Variants in GMDS observed in about 807,000 individuals in gnomAD.
GMDS encodes the protein GDP-mannose 4,6-dehydratase.
Under a neutral mutation model 49.9 loss-of-function variants are expected in GMDS, and 20 were observed. That is an observed-to-expected ratio of 0.40 (90% CI 0.28 to 0.58). GMDS has a LOEUF of 0.58. Among genes scored for constraint, GMDS ranks in the 20% least tolerant of loss-of-function variants. The pLI is 0.42. For missense variants in GMDS, 362 were observed against 481.4 expected (o/e 0.75, Z 2.32); for synonymous variants, 177 against 178.6 (o/e 0.99, Z 0.07).
intron 7 of GMDS, 88 bp from the exon 8 acceptor site, chr6:1,742,674 C>G (rs3734740): frequency 0.46 from 322,318 of 703,718 alleles, 76,692 homozygotes; most frequent in East Asian, 0.65. Context: ...ATATGGACAT[C>G]GACAGCTGGA....
At chr6:1,639,615 C>T (rs1034251505) in intron 9 of GMDS, among the ~76,000 whole-genome samples, 8 of 152,242 alleles carry the variant, frequency 5.3e-5, no homozygotes, top group Non-Finnish European at 1.0e-4. Context: ...AGGCCGGGCA[C>T]GGTGGCTCAT....
chr6:1,650,496 AC>A (rs780935361), intron 9 of GMDS, among the ~76,000 whole-genome samples: 7 of 152,170 alleles, frequency 4.6e-5, no homozygotes, highest in Non-Finnish European at 8.8e-5. Context: ...GCCTTCTCCT[AC>A]CAATTCTTCG....
intron 7 of GMDS, among the ~76,000 whole-genome samples, chr6:1,886,352 A>C (rs1759605666): frequency 6.6e-6 from 1 of 152,240 alleles, no homozygotes; most frequent in African/African-American, 2.4e-5. Flanking sequence ...TTCTGTGATA[A>C]ATCAAAAAAT....
intron 1 of GMDS, among the ~76,000 whole-genome samples, chr6:2,138,015 G>A (rs1199503937): frequency 6.6e-6 from 1 of 152,190 alleles, no homozygotes; most frequent in Non-Finnish European, 1.5e-5. Flanking sequence ...CGGTCTAAGA[G>A]AGCTGGGTCA....
chr6:2,150,532 T>C (rs1410515048), intron 1 of GMDS, among the ~76,000 whole-genome samples: 2 of 152,216 alleles, frequency 1.3e-5, no homozygotes, highest in Non-Finnish European at 2.9e-5. Context: ...CTTTACCATT[T>C]ATAACAATGT....
chr6:2,244,274 T>C (rs983632921), intron 1 of GMDS, among the ~76,000 whole-genome samples: 1 of 152,126 alleles, frequency 6.6e-6, no homozygotes, highest in Admixed American at 6.6e-5. Flanking sequence ...CATGCCTCAG[T>C]TTCCACATAT....
chr6:1,979,890 T>C (rs1008348808), intron 4 of GMDS, among the ~76,000 whole-genome samples: 2 of 152,194 alleles, frequency 1.3e-5, no homozygotes, highest in African/African-American at 4.8e-5. Context: ...GTGGCCAATA[T>C]TCAACATTCT....
chr6:1,990,008 A>G (rs1238358984), intron 4 of GMDS, among the ~76,000 whole-genome samples: 3 of 152,272 alleles, frequency 2.0e-5, no homozygotes, highest in African/African-American at 7.2e-5. Context: ...AAGAAATGTT[A>G]GCCATAGGCT....
intron 1 of GMDS, among the ~76,000 whole-genome samples, chr6:2,151,386 G>C (rs1421188817): frequency 6.6e-6 from 1 of 151,928 alleles, no homozygotes; most frequent in African/African-American, 2.4e-5. Context: ...AATATAACTT[G>C]TAAAAATAAT....
intron 4 of GMDS, among the ~76,000 whole-genome samples, chr6:2,021,924 T>C (rs1768298777): frequency 6.6e-6 from 1 of 152,182 alleles, no homozygotes; most frequent in Admixed American, 6.5e-5. Context: ...TTGGCCACTG[T>C]CTCTTTCTCA....
rs1770382461 is a variant in GMDS, at chr6:2,051,304, C to T, written c.345+64467G>A. ...ACAGTAAGTTTTTGTTGTTTTAAGC[C>T]ACTAGGTTTGTAGTTATTTGGTAGA... On this transcript the variant is annotated intron_variant, in intron 4 of 10. Coordinates refer to ENST00000380815, the MANE Select transcript of GMDS (RefSeq NM_001500.4). 2.0e-5 allele frequency among the ~76,000 whole-genome samples: 3 copies of T among 152,144 alleles called. No homozygotes were observed. The South Asian group carries it at 6.2e-4, about 32-fold the overall frequency.
intron 6 of GMDS, among the ~76,000 whole-genome samples, chr6:1,957,473 A>G (rs1170041845): frequency 1.3e-5 from 2 of 152,254 alleles, no homozygotes; most frequent in African/African-American, 4.8e-5. Flanking sequence ...AAGTATTAAT[A>G]TCATTTTCAC....
intron 4 of GMDS, among the ~76,000 whole-genome samples, chr6:1,982,683 C>T (rs1765290061): frequency 6.6e-6 from 1 of 152,064 alleles, no homozygotes; most frequent in Non-Finnish European, 1.5e-5. Flanking sequence ...AGTAAAGGAC[C>T]CCTTCAAGGA....
At chr6:2,162,949 G>C (rs1051987137) in intron 1 of GMDS, among the ~76,000 whole-genome samples, 6 of 151,972 alleles carry the variant, frequency 3.9e-5, no homozygotes, top group African/African-American at 1.5e-4. Context: ...TCACTCTATC[G>C]GCTCTGGGAC....
intron 4 of GMDS, among the ~76,000 whole-genome samples, chr6:1,977,202 T>C (rs1434026652): frequency 6.6e-6 from 1 of 152,316 alleles, no homozygotes; most frequent in Middle Eastern, 3.4e-3. Context: ...GAAAAGATGC[T>C]TGTGTATGTA....
chr6:1,838,816 T>C (rs1235186091), intron 7 of GMDS, among the ~76,000 whole-genome samples: 4 of 152,228 alleles, frequency 2.6e-5, no homozygotes, highest in Admixed American at 2.0e-4. Flanking sequence ...AAGATCTGCA[T>C]GTAAACATAC....
chr6:1,856,196 T>C (rs1356649760), intron 7 of GMDS, among the ~76,000 whole-genome samples: 1 of 152,240 alleles, frequency 6.6e-6, no homozygotes, highest in Non-Finnish European at 1.5e-5. Flanking sequence ...AATGCTGGTG[T>C]ATGTGTCTTT....
At chr6:2,207,244 G>C (rs1397651810) in intron 1 of GMDS, among the ~76,000 whole-genome samples, 1 of 151,778 alleles carries the variant, frequency 6.6e-6, no homozygotes, top group Non-Finnish European at 1.5e-5. Flanking sequence ...TGGAGCTCCA[G>C]ACATCACATC....
At chr6:2,061,039 GA>G in intron 4 of GMDS, among the ~76,000 whole-genome samples, 1 of 151,992 alleles carries the variant, frequency 6.6e-6, no homozygotes, top group African/African-American at 2.4e-5. Flanking sequence ...AAAAGAAAGG[GA>G]AAGGGAAAGA....
Sources: allele counts gnomAD v4.1 joint callset (sites outside exome capture counted in the v4.1 genomes callset), GRCh38; gene constraint gnomAD v4.1.1; transcripts MANE v1.5; gene names NCBI Gene and HGNC (gene_info 2026-07-23, HGNC 2026-07-21).